Variants in CSMD1 observed in about 807,000 individuals in gnomAD.
CSMD1 encodes the protein CUB and Sushi multiple domains 1.
In CSMD1, 213 loss-of-function variants were observed where a neutral mutation model predicts 417.5. The ratio of observed to expected loss-of-function variants is 0.51; its 90% confidence interval spans 0.46 to 0.57. The LOEUF (loss-of-function observed/expected upper bound fraction) is 0.57. CSMD1 is among the 20% of genes least tolerant of loss of function. The pLI, the probability that CSMD1 is intolerant of heterozygous loss-of-function variation, is 0.00. For missense variants in CSMD1, 6,923 were observed against 4,529.7 expected (o/e 1.53, Z -15.17); for synonymous variants, 2,862 against 1,736.8 (o/e 1.65, Z -16.11).
At chr8:3,258,034 G>A (rs1563194938) in intron 26 of CSMD1, among the ~76,000 whole-genome samples, 1 of 152,194 alleles carries the variant, frequency 6.6e-6, no homozygotes, top group Non-Finnish European at 1.5e-5. Flanking sequence ...AGCCATGGGA[G>A]ATGGTGTCGA....
At chr8:4,951,986 G>C (rs1808782831) in intron 1 of CSMD1, among the ~76,000 whole-genome samples, 1 of 151,086 alleles carries the variant, frequency 6.6e-6, no homozygotes, top group East Asian at 1.9e-4. Context: ...TCTAAACATA[G>C]TTTATCTTAA....
intron 2 of CSMD1, among the ~76,000 whole-genome samples, chr8:4,517,157 T>C (rs1294539681): frequency 6.6e-6 from 1 of 152,240 alleles, no homozygotes; most frequent in Non-Finnish European, 1.5e-5. Context: ...AAGTACCTAC[T>C]GTATGAACTA....
intron 38 of CSMD1, among the ~76,000 whole-genome samples, chr8:3,161,525 G>A (rs1420210420): frequency 2.7e-5 from 4 of 150,276 alleles, no homozygotes; most frequent in Non-Finnish European, 5.9e-5. Flanking sequence ...GCTGAGGCAG[G>A]AGAATTGTTT....
At chr8:3,715,531 G>T (rs187977661) in intron 6 of CSMD1, among the ~76,000 whole-genome samples, 1 of 152,150 alleles carries the variant, frequency 6.6e-6, no homozygotes, top group Non-Finnish European at 1.5e-5. Flanking sequence ...GACAAAGCAA[G>T]CAACCTTTTT....
intron 5 of CSMD1, among the ~76,000 whole-genome samples, chr8:3,846,469 C>G (rs1452872012): frequency 6.6e-6 from 1 of 152,156 alleles, no homozygotes; most frequent in East Asian, 1.9e-4. Context: ...TAACCTTCCT[C>G]TCAGTTTTTT....
At chr8:4,834,626 G>A (rs1585182128) in intron 1 of CSMD1, among the ~76,000 whole-genome samples, 1 of 151,974 alleles carries the variant, frequency 6.6e-6, no homozygotes, top group East Asian at 1.9e-4. Context: ...AATGGCAGAG[G>A]AAGTAGCTAG....
intron 3 of CSMD1, among the ~76,000 whole-genome samples, chr8:4,194,514 G>A (rs1799218397): frequency 1.3e-5 from 2 of 152,124 alleles, no homozygotes; most frequent in South Asian, 2.1e-4. Context: ...AATAATGCCA[G>A]GAAGCATCTC....
chr8:3,270,485 C>G (rs918186429), intron 26 of CSMD1, among the ~76,000 whole-genome samples: 12 of 152,158 alleles, frequency 7.9e-5, no homozygotes, highest in Non-Finnish European at 1.2e-4. Flanking sequence ...TAAAAAATGA[C>G]CATTGAACTT....
chr8:4,002,187 T>C (rs1332442387), intron 4 of CSMD1, among the ~76,000 whole-genome samples: 1 of 151,890 alleles, frequency 6.6e-6, no homozygotes, highest in Admixed American at 6.6e-5. Flanking sequence ...GAGGCAAAAT[T>C]AGTGTTGGTG....
intron 1 of CSMD1, among the ~76,000 whole-genome samples, chr8:4,638,241 G>A (rs1802963356): frequency 6.6e-6 from 1 of 152,014 alleles, no homozygotes; most frequent in Admixed American, 6.6e-5. Context: ...TTTGTTGGTG[G>A]AAACTAAGTT....
intron 5 of CSMD1, among the ~76,000 whole-genome samples, chr8:3,844,810 G>T (rs552762383): frequency 6.6e-6 from 1 of 152,130 alleles, no homozygotes; most frequent in Admixed American, 6.6e-5. Flanking sequence ...AGAAGAATCA[G>T]AACAGATTTT....
intron 14 of CSMD1, among the ~76,000 whole-genome samples, 188 bp from the exon 15 acceptor site, chr8:3,406,409 G>C (rs543540570): frequency 6.6e-6 from 1 of 152,160 alleles, no homozygotes; most frequent in South Asian, 2.1e-4. Context: ...TAGTGAGAAA[G>C]AGCGAGCAGG....
chr8:4,035,271 C>G (rs72624065), intron 3 of CSMD1, among the ~76,000 whole-genome samples: 22,754 of 152,128 alleles, frequency 0.15, 2,432 homozygotes, highest in East Asian at 0.39. Context: ...TCATACAAAT[C>G]TTCAGCACAT....
chr8:4,331,402 T>A (rs774231296), intron 3 of CSMD1, among the ~76,000 whole-genome samples: 1 of 152,182 alleles, frequency 6.6e-6, no homozygotes, highest in Admixed American at 6.6e-5. Context: ...CAGTTTTTCA[T>A]GGTTAGTTGT....
intron 22 of CSMD1, among the ~76,000 whole-genome samples, chr8:3,345,205 C>T (rs34140466): frequency 0.14 from 21,135 of 152,068 alleles, 1,724 homozygotes; most frequent in African/African-American, 0.23. Context: ...CTTGGCTTCC[C>T]CGTGTCCTCA....
intron 3 of CSMD1, among the ~76,000 whole-genome samples, chr8:4,286,825 T>G (rs567112101): frequency 1.5e-4 from 23 of 152,312 alleles, no homozygotes; most frequent in Non-Finnish European, 7.3e-5. Context: ...GATCTTTCAG[T>G]TGCTGTTGCT....
At chr8:4,350,081 A>T (rs1444800245) in intron 3 of CSMD1, among the ~76,000 whole-genome samples, 1 of 152,178 alleles carries the variant, frequency 6.6e-6, no homozygotes, top group East Asian at 1.9e-4. Flanking sequence ...CAGCCCTGAA[A>T]CATGACTTAT....
intron 23 of CSMD1, among the ~76,000 whole-genome samples, chr8:3,331,245 A>C (rs527659583): frequency 6.6e-6 from 1 of 152,110 alleles, no homozygotes; most frequent in African/African-American, 2.4e-5. Flanking sequence ...CTCAAAAAAA[A>C]AAAAAAAGAA....
At position 3,677,657 on chromosome 8, in the gene CSMD1, A is replaced by T. The variant is rs960083449; in HGVS notation, c.1009+30757T>A. On this transcript the variant is annotated intron_variant, in intron 7 of 69. Transcript: ENST00000635120. ...AACCTCCAGCTATTGACATGAAAAG[A>T]TATCTATCCTTTAGGGCTCTTTGGC... Among the ~76,000 whole-genome samples the T allele has an allele frequency of 3.3e-5, 5 of 152,142 alleles. 1 individual carries two copies. The highest frequency in any genetic ancestry group is 2.0e-4 in the Admixed American group (3 of 15,270).
Sources: allele counts gnomAD v4.1 joint callset (sites outside exome capture counted in the v4.1 genomes callset), GRCh38; gene constraint gnomAD v4.1.1; transcripts MANE v1.5; gene names NCBI Gene and HGNC (gene_info 2026-07-23, HGNC 2026-07-21).